The following LINGO2 variants were observed in gnomAD, a reference collection of about 807,000 sequenced individuals.
LINGO2 encodes the protein leucine rich repeat and Ig domain containing 2, also known as leucine-rich repeat and immunoglobulin-like domain-containing nogo receptor-interacting protein 2.
In LINGO2, 14 loss-of-function variants were observed where a neutral mutation model predicts 30.6. That is an observed-to-expected ratio of 0.46 (90% CI 0.30 to 0.72). LINGO2 has a LOEUF of 0.72. Among genes scored for constraint, LINGO2 ranks in the 30% least tolerant of loss-of-function variants. The pLI is 0.07. For synonymous variants in LINGO2, 317 were observed against 288.5 expected (o/e 1.10, Z -1.00); for missense variants, 729 against 751.7 (o/e 0.97, Z 0.35).
At chr9:28,305,577 C>T (rs573040197) in intron 3 of LINGO2, among the ~76,000 whole-genome samples, 10 of 151,988 alleles carry the variant, frequency 6.6e-5, no homozygotes, top group East Asian at 1.9e-4. Flanking sequence ...AGCAACAAAA[C>T]ATTAGACATT....
the LINGO2 span, among the ~76,000 whole-genome samples, chr9:28,719,004 C>G: frequency 6.6e-6 from 1 of 152,046 alleles, no homozygotes; most frequent in South Asian, 2.1e-4. Context: ...GACTCTGCAA[C>G]TCCCACCTTT....
the LINGO2 span, among the ~76,000 whole-genome samples, chr9:28,813,123 G>A: frequency 1.3e-5 from 2 of 150,438 alleles, no homozygotes; most frequent in African/African-American, 2.5e-5. Context: ...TGTCTAAAGA[G>A]CACTCCAGAT....
chr9:28,325,431 C>T (rs1041365315), intron 3 of LINGO2, among the ~76,000 whole-genome samples: 3 of 152,016 alleles, frequency 2.0e-5, no homozygotes, highest in Non-Finnish European at 2.9e-5. Flanking sequence ...AAAACACACA[C>T]GGTCTGATAT....
At chr9:28,551,164 T>C (rs1782294943) in intron 1 of LINGO2, among the ~76,000 whole-genome samples, 1 of 151,404 alleles carries the variant, frequency 6.6e-6, no homozygotes, top group South Asian at 2.1e-4. Context: ...AAGTCTTGTA[T>C]TAATATTTTA....
rs1246843563 is a variant in LINGO2, at chr9:28,351,149, C to G, written c.-246+21687G>C. Among the ~76,000 whole-genome samples the G allele has an allele frequency of 1.1e-4, 16 of 151,258 alleles. No individual in the cohort carries two copies. In the South Asian group the frequency reaches 1.7e-3, roughly 16 times the overall value. On this transcript the variant is annotated intron_variant, in intron 3 of 5. Coordinates refer to ENST00000379992, the Ensembl canonical transcript of LINGO2. Reference sequence around the variant, plus strand: ...GCAGAAGGCAAGAAATAACTAAAATCAGAGCAGAACTGAAGGAAAAAGAGA... The same window carrying G: ...GCAGAAGGCAAGAAATAACTAAAATGAGAGCAGAACTGAAGGAAAAAGAGA...
chr9:28,502,894 G>C (rs1456473206), intron 1 of LINGO2, among the ~76,000 whole-genome samples: 1 of 152,036 alleles, frequency 6.6e-6, no homozygotes, highest in Non-Finnish European at 1.5e-5. Context: ...GTGAGAAAAT[G>C]AGGCATGAAA....
chr9:28,512,638 C>CAT (rs1395669270), intron 1 of LINGO2, among the ~76,000 whole-genome samples: 18 of 25,248 alleles, frequency 7.1e-4, no homozygotes, highest in African/African-American at 1.8e-3. Context: ...TATATATATA[C>CAT]ACACATACAT....
chr9:28,295,852 A>T (rs904457341), intron 3 of LINGO2, among the ~76,000 whole-genome samples: 1 of 152,178 alleles, frequency 6.6e-6, no homozygotes, highest in Admixed American at 6.5e-5. Flanking sequence ...CAATGTGAAC[A>T]TTCCCTGTAT....
At chr9:29,007,012 C>T in the LINGO2 span, among the ~76,000 whole-genome samples, 1 of 152,086 alleles carries the variant, frequency 6.6e-6, no homozygotes, top group South Asian at 2.1e-4. Flanking sequence ...TGAGGTTATA[C>T]TCTCTGTAAA....
chr9:28,506,505 C>T (rs201584361), intron 1 of LINGO2, among the ~76,000 whole-genome samples: 21,747 of 82,108 alleles, frequency 0.26, 6,089 homozygotes, highest in Middle Eastern at 0.36. Flanking sequence ...CACACACAGA[C>T]ATATATATAT....
chr9:28,732,060 A>G, the LINGO2 span, among the ~76,000 whole-genome samples: 3 of 152,138 alleles, frequency 2.0e-5, no homozygotes, highest in Non-Finnish European at 4.4e-5. Flanking sequence ...ACCTTCCGGG[A>G]TTCTAGAAGG....
At chr9:28,979,041 T>C in the LINGO2 span, among the ~76,000 whole-genome samples, 2 of 152,076 alleles carry the variant, frequency 1.3e-5, no homozygotes, top group African/African-American at 4.8e-5. Flanking sequence ...ATCAGAACTG[T>C]CCAATATTTC....
intron 4 of LINGO2, among the ~76,000 whole-genome samples, chr9:28,221,394 G>C (rs1820963041): frequency 6.7e-6 from 1 of 148,882 alleles, no homozygotes; most frequent in East Asian, 2.0e-4. Context: ...ATGTTAATTA[G>C]CTAAATTTAA....
chr9:28,409,335 T>C (rs1412167584), intron 2 of LINGO2, among the ~76,000 whole-genome samples: 2 of 152,102 alleles, frequency 1.3e-5, no homozygotes, highest in African/African-American at 4.8e-5. Context: ...CACTTCACAT[T>C]TCCTTTATGA....
chr9:28,070,426 C>A (rs1825440121), intron 4 of LINGO2, among the ~76,000 whole-genome samples: 1 of 152,140 alleles, frequency 6.6e-6, no homozygotes, highest in Non-Finnish European at 1.5e-5. Context: ...AATCCCAACA[C>A]ACATAAACAT....
At chr9:28,289,195 A>C (rs1291245395) in intron 4 of LINGO2, among the ~76,000 whole-genome samples, 1 of 152,218 alleles carries the variant, frequency 6.6e-6, no homozygotes, top group Admixed American at 6.5e-5. Flanking sequence ...ACTGCCATTC[A>C]TACAACAGAG....
At chr9:28,214,409 G>A (rs937594713) in intron 4 of LINGO2, among the ~76,000 whole-genome samples, 4 of 151,534 alleles carry the variant, frequency 2.6e-5, no homozygotes, top group Non-Finnish European at 4.4e-5. Flanking sequence ...TACACTAAAG[G>A]ATTCTTCTGT....
the LINGO2 span, among the ~76,000 whole-genome samples, chr9:28,937,322 T>C: frequency 6.6e-6 from 1 of 152,160 alleles, no homozygotes; most frequent in Non-Finnish European, 1.5e-5. Context: ...TTGTGAATAA[T>C]TCTTCTCCTG....
At chr9:28,540,277 C>CCCT (rs1564277146) in intron 1 of LINGO2, among the ~76,000 whole-genome samples, 2 of 139,444 alleles carry the variant, frequency 1.4e-5, no homozygotes, top group African/African-American at 5.6e-5. Flanking sequence ...TCTCTCTCTC[C>CCCT]CTCTCTCTCT....
Sources: gnomAD v4.1 joint callset for allele counts (sites outside exome capture counted in the v4.1 genomes callset) on GRCh38, gnomAD v4.1.1 for gene constraint, MANE v1.5 for transcripts, NCBI Gene and HGNC (gene_info 2026-07-23, HGNC 2026-07-21) for gene names.